The following LSM6 variants were observed in gnomAD, a reference collection of about 807,000 sequenced individuals.
LSM6 encodes U6 snRNA-associated Sm-like protein LSm6.
In LSM6, 2 loss-of-function variants were observed where a neutral mutation model predicts 13.5. The observed-to-expected ratio is 0.15, with a 90% CI of 0.06 to 0.47. The LOEUF (loss-of-function observed/expected upper bound fraction) is 0.47. Among genes scored for constraint, LSM6 ranks in the 20% least tolerant of loss-of-function variants. The probability of loss-of-function intolerance (pLI) is 0.97; values close to 1 mark genes in which losing one functional copy is unlikely to be tolerated. For synonymous variants in LSM6, 43 were observed against 34.9 expected (o/e 1.23, Z -0.82); for missense variants, 58 against 96.4 (o/e 0.60, Z 1.67).
chr4:146,180,414 A>G (rs1331197363), intron 1 of LSM6, among the ~76,000 whole-genome samples: 4 of 152,352 alleles, frequency 2.6e-5, no homozygotes, highest in African/African-American at 7.2e-5. Flanking sequence ...ATAAAGCATA[A>G]TGGACAAGGC....
intron 2 of LSM6, among the ~76,000 whole-genome samples, chr4:146,183,825 A>T: frequency 6.8e-6 from 1 of 146,838 alleles, no homozygotes. Context: ...GTGGTTTCTG[A>T]GATTTTGGTG....
rs1730462311 is a variant in LSM6, at chr4:146,191,204, G to A, written c.*1548G>A. On this transcript the variant is annotated 3_prime_UTR_variant, in exon 4 of 4. Coordinates refer to ENST00000296581, the MANE Select transcript of LSM6 (RefSeq NM_007080.3). ...AATGAGTTCTTTTAAGGAGAAAATG[G>A]ATGGCTCTCCAAGTGGAGCATACAT... 6.6e-6 allele frequency: 1 copy of A among 152,132 alleles called. No individual in the cohort carries two copies. Among genetic ancestry groups the A allele is most frequent in the Non-Finnish European group, 1.5e-5 (1 of 68,026 alleles). The allele number at this position is 152,132 out of a possible 1,614,324, so 9.4% of individuals were successfully genotyped here.
intron 1 of LSM6, among the ~76,000 whole-genome samples, chr4:146,176,855 C>T (rs1271467846): frequency 6.6e-6 from 1 of 151,924 alleles, no homozygotes; most frequent in African/African-American, 2.4e-5. Flanking sequence ...TAGATTATTT[C>T]CTTGGACTAG....
At chr4:146,188,985 C>CTTTTTTTTTTTTTTT (rs574933137) in intron 3 of LSM6, among the ~76,000 whole-genome samples, 1 of 131,340 alleles carries the variant, frequency 7.6e-6, no homozygotes, top group African/African-American at 2.9e-5. Flanking sequence ...TGAAAAGCAT[C>CTTTTTTTTTTTTTTT]TTTTTTTTTT....
At chr4:146,182,705 A>G (rs1261721576) in intron 1 of LSM6, among the ~76,000 whole-genome samples, 2 of 152,242 alleles carry the variant, frequency 1.3e-5, no homozygotes, top group Admixed American at 6.5e-5. Context: ...AAGATAATGC[A>G]TGTAGAATGT....
At chr4:146,178,757 G>T (rs1172598572) in intron 1 of LSM6, among the ~76,000 whole-genome samples, 1 of 152,146 alleles carries the variant, frequency 6.6e-6, no homozygotes, top group Non-Finnish European at 1.5e-5. Flanking sequence ...ACAGCACTTT[G>T]TCACGTTAGG....
intron 1 of LSM6, among the ~76,000 whole-genome samples, chr4:146,179,057 T>C (rs1219097879): frequency 2.0e-5 from 3 of 152,254 alleles, no homozygotes; most frequent in Non-Finnish European, 4.4e-5. Context: ...ACTTTGCAGA[T>C]GTTTTCATAC....
chr4:146,189,589 T>C, intron 3 of LSM6, 33 bp from the exon 4 acceptor site: 2 of 1,493,924 alleles, frequency 1.3e-6, no homozygotes, highest in Admixed American at 3.8e-5. Context: ...CAGGGTTTTT[T>C]AAATTTCAAT....
chr4:146,176,921 G>A (rs1366399178), intron 1 of LSM6, among the ~76,000 whole-genome samples: 1 of 152,080 alleles, frequency 6.6e-6, no homozygotes, highest in Non-Finnish European at 1.5e-5. Context: ...GTCTGTTTTA[G>A]GCCTTCATAC....
intron 2 of LSM6, among the ~76,000 whole-genome samples, chr4:146,185,911 A>G (rs1344653296): frequency 6.6e-6 from 1 of 151,660 alleles, no homozygotes; most frequent in Non-Finnish European, 1.5e-5. Flanking sequence ...TAATTTTTGT[A>G]TTTTTAGTAG....
At chr4:146,185,427 TTAGA>T (rs1416516319) in intron 2 of LSM6, among the ~76,000 whole-genome samples, 5 of 151,480 alleles carry the variant, frequency 3.3e-5, no homozygotes, top group African/African-American at 1.2e-4. Flanking sequence ...TTTTATACTA[TTAGA>T]TAGCCTTACT....
At chr4:146,179,883 A>T (rs906438642) in intron 1 of LSM6, among the ~76,000 whole-genome samples, 4 of 152,136 alleles carry the variant, frequency 2.6e-5, no homozygotes, top group African/African-American at 9.7e-5. Flanking sequence ...GTTCAAATAG[A>T]TTGCTGGCTC....
chr4:146,177,936 A>G (rs1202216145), intron 1 of LSM6, among the ~76,000 whole-genome samples: 1 of 152,244 alleles, frequency 6.6e-6, no homozygotes. Flanking sequence ...TATAAAATGT[A>G]AAATACAGTG....
chr4:146,181,308 T>C (rs574121326), intron 1 of LSM6: 1 of 152,364 alleles, frequency 6.6e-6, no homozygotes, highest in Non-Finnish European at 1.5e-5. Flanking sequence ...TAAAATTATT[T>C]TACTTAAATT....
chr4:146,180,979 T>A (rs894470627), intron 1 of LSM6: 5 of 152,262 alleles, frequency 3.3e-5, no homozygotes, highest in Admixed American at 3.3e-4. Flanking sequence ...TTTTTCACTT[T>A]GTACTCAGAA....
Position 146,186,722 on chromosome 4 carries a change from G to C in LSM6, c.95-552G>C, listed in dbSNP as rs141978881. Among the ~76,000 whole-genome samples the C allele has an allele frequency of 4.4e-3, 665 of 152,306 alleles. 5 individuals are homozygous for C. The highest frequency in any genetic ancestry group is 0.012 in the African/African-American group (501 of 41,570). ...TCTTCACTGTGAGTCACAGCTTTAA[G>C]ATGTTCTTTCGGGAGCACCTGCTGT... On this transcript the variant is annotated intron_variant, in intron 2 of 3. Coordinates refer to ENST00000296581, the MANE Select transcript of LSM6 (RefSeq NM_007080.3).
chr4:146,181,154 A>C (rs1234670232), intron 1 of LSM6: 4 of 152,262 alleles, frequency 2.6e-5, no homozygotes, highest in Non-Finnish European at 5.9e-5. Context: ...TTGTTGAGCA[A>C]AATAATTTAT....
In LSM6 at chr4:146,182,990, A is replaced by G; in HGVS notation, c.69A>G (p.Lys23=). The G allele has an allele frequency of 6.2e-7, 1 of 1,613,190 alleles. No homozygotes were observed. The highest frequency in any genetic ancestry group is 8.5e-7 in the Non-Finnish European group (1 of 1,179,214). Reference sequence around the variant, plus strand: ...TCATCGGACGACCAGTTGTGGTAAAATTAAATTCTGGAGTGGATTATCGAG... The same window carrying G: ...TCATCGGACGACCAGTTGTGGTAAAGTTAAATTCTGGAGTGGATTATCGAG... ...KQIIGRPVVV[K]LNSGVDYRGV... is the part of the protein sequence containing the mutation. Residue 23 remains lysine, a synonymous_variant, in exon 2 of 4, where the codon AAA becomes AAG. Coordinates refer to ENST00000296581, the MANE Select transcript of LSM6 (RefSeq NM_007080.3).
At chr4:146,183,747 ATTATTTAT>A (rs202222491) in intron 2 of LSM6, 3 of 136,820 alleles carry the variant, frequency 2.2e-5, no homozygotes, top group Middle Eastern at 4.0e-3. Context: ...TATTTTTTTT[ATTATTTAT>A]TTCAGTAGTT....
Sources: allele counts gnomAD v4.1 joint callset (sites outside exome capture counted in the v4.1 genomes callset), GRCh38; gene constraint gnomAD v4.1.1; transcripts MANE v1.5; gene names NCBI Gene and HGNC (gene_info 2026-07-23, HGNC 2026-07-21).